Variants in ART3 observed in about 807,000 individuals in gnomAD.
The protein encoded by ART3 is ADP-ribosyltransferase 3 (inactive).
In ART3, 49 loss-of-function variants were observed where a neutral mutation model predicts 48.5. That is an observed-to-expected ratio of 1.01 (90% CI 0.80 to 1.28). ART3 has a LOEUF of 1.28. Among genes scored for constraint, ART3 ranks in the 50% most tolerant of loss-of-function variants. The pLI is 0.00. For missense variants in ART3, 438 were observed against 454.3 expected (o/e 0.96, Z 0.33); for synonymous variants, 145 against 157.2 (o/e 0.92, Z 0.58).
At position 76,039,256 on chromosome 4, in the gene ART3, C is replaced by T. The variant is rs961270801; in HGVS notation, c.-10+27936C>T. Among the ~76,000 whole-genome samples, 6 of 152,190 alleles carry T rather than the reference C, an allele frequency of 3.9e-5. 1 individual carries two copies. The South Asian group carries it at 1.0e-3, about 26-fold the overall frequency. On this transcript the variant is annotated intron_variant, in intron 1 of 9. Coordinates refer to the ART3 transcript ENST00000341029. ...CTGGGATTACAGGCATGTGTTACCA[C>T]GCCCAGCCAATTTTTGTATTTTTAG...
chr4:76,031,914 T>G (rs1241250502), intron 1 of ART3, among the ~76,000 whole-genome samples: 1 of 152,124 alleles, frequency 6.6e-6, no homozygotes, highest in Non-Finnish European at 1.5e-5. Flanking sequence ...ATAGGACACC[T>G]AATCTAGTTA....
chr4:76,079,644 A>C (rs1725071245), intron 2 of ART3, among the ~76,000 whole-genome samples: 1 of 152,160 alleles, frequency 6.6e-6, no homozygotes, highest in East Asian at 1.9e-4. Flanking sequence ...TCTGCAAAAG[A>C]GTCTAAGAAG....
intron 1 of ART3, among the ~76,000 whole-genome samples, chr4:76,050,884 G>A (rs949417198): frequency 3.3e-5 from 5 of 152,204 alleles, no homozygotes; most frequent in African/African-American, 7.2e-5. Context: ...TACACCCTCC[G>A]CAGCTGCTAG....
At chr4:76,097,501 C>T (rs1194317038) in intron 3 of ART3, 143 bp from the exon 4 acceptor site, 2 of 664,622 alleles carry the variant, frequency 3.0e-6, no homozygotes, top group Admixed American at 2.5e-5. Context: ...GCCACCATGC[C>T]CAGCCTGCAA....
chr4:76,100,356 G>A, intron 6 of ART3, 36 bp downstream of exon 6: 1 of 1,582,576 alleles, frequency 6.3e-7, no homozygotes, highest in East Asian at 2.3e-5. Flanking sequence ...GGCTTGGCCA[G>A]GCGTGGTGGC....
rs1164064092 is a variant in ART3, at chr4:76,081,880, A to T, written c.126A>T (p.Lys42Asn). 5.6e-6 allele frequency: 9 copies of T among 1,614,096 alleles called. No homozygotes were observed. Among genetic ancestry groups the T allele is most frequent in the Non-Finnish European group, 7.6e-6 (9 of 1,180,040 alleles). The change falls in exon 3 of 12, where the codon AAA becomes AAT. Residue 42 changes from lysine (K) to asparagine (N), a missense_variant. Coordinates refer to ENST00000355810, the MANE Select transcript of ART3 (RefSeq NM_001130016.3). Reference sequence around the variant, plus strand: ...ATGCATTTGATGATGAATACCTGAAATGTACGGACAGGATGGAAATTAAAT... The same window carrying T: ...ATGCATTTGATGATGAATACCTGAATTGTACGGACAGGATGGAAATTAAAT... ...ADNAFDDEYLKCTDRMEIKYV... is the reference protein window; with the variant it reads ...ADNAFDDEYLNCTDRMEIKYV...
intron 9 of ART3, chr4:76,104,387 A>C: frequency 1.0e-6 from 1 of 985,438 alleles, no homozygotes; most frequent in Non-Finnish European, 1.2e-6. Context: ...AAACATGCTC[A>C]GTGAAGTGCT....
At chr4:76,093,453 A>G (rs940967014) in intron 3 of ART3, among the ~76,000 whole-genome samples, 8 of 152,236 alleles carry the variant, frequency 5.3e-5, no homozygotes, top group African/African-American at 1.9e-4. Context: ...AGAAAGAAAC[A>G]GCATGTTGAG....
At chr4:76,041,788 A>G (rs1433810307) in intron 1 of ART3, among the ~76,000 whole-genome samples, 7 of 152,206 alleles carry the variant, frequency 4.6e-5, no homozygotes. Context: ...TTTGGCATGT[A>G]TTATATACTG....
chr4:76,085,514 A>G (rs1394287279), intron 3 of ART3, among the ~76,000 whole-genome samples: 1 of 152,162 alleles, frequency 6.6e-6, no homozygotes, highest in African/African-American at 2.4e-5. Context: ...TAGGCACCTT[A>G]TTTGCCTCAC....
chr4:76,041,189 C>T (rs1185893176), intron 1 of ART3: 1 of 152,172 alleles, frequency 6.6e-6, no homozygotes, highest in Non-Finnish European at 1.5e-5. Context: ...TTTCTGCTGG[C>T]TTTGTAGATG....
At chr4:76,068,293 G>T (rs1719942471) in intron 1 of ART3, among the ~76,000 whole-genome samples, 2 of 152,064 alleles carry the variant, frequency 1.3e-5, no homozygotes, top group Non-Finnish European at 2.9e-5. Flanking sequence ...CCCAAAAAAT[G>T]TGTTCCCTCA....
At chr4:76,062,559 C>T (rs375597206) in intron 1 of ART3, among the ~76,000 whole-genome samples, 30 of 113,024 alleles carry the variant, frequency 2.7e-4, no homozygotes, top group Middle Eastern at 5.7e-3. Flanking sequence ...AAAAATAAAT[C>T]TTTTTTTTTT....
intron 1 of ART3, chr4:76,035,413 G>A (rs1734291445): frequency 6.7e-7 from 1 of 1,497,840 alleles, no homozygotes; most frequent in Non-Finnish European, 9.1e-7. Flanking sequence ...ATAGCTGGTG[G>A]TGAACGTGAG....
intron 1 of ART3, among the ~76,000 whole-genome samples, chr4:76,015,829 A>AT (rs987126816): frequency 7.2e-5 from 11 of 152,218 alleles, no homozygotes; most frequent in African/African-American, 2.2e-4. Flanking sequence ...GGTTTTTGCC[A>AT]TGTTGGTCAG....
chr4:76,060,465 T>A (rs1719102722), intron 1 of ART3, among the ~76,000 whole-genome samples: 1 of 152,184 alleles, frequency 6.6e-6, no homozygotes, highest in Admixed American at 6.5e-5. Flanking sequence ...AATGCTAGTG[T>A]TCTCTAGGGT....
At chr4:76,084,976 G>A (rs925092643) in intron 3 of ART3, among the ~76,000 whole-genome samples, 2 of 152,164 alleles carry the variant, frequency 1.3e-5, no homozygotes, top group East Asian at 3.8e-4. Flanking sequence ...AGGCTACTAA[G>A]CTAGAGAGGC....
chr4:76,086,055 A>G (rs911385055), intron 3 of ART3, among the ~76,000 whole-genome samples: 5 of 147,710 alleles, frequency 3.4e-5, no homozygotes, highest in Admixed American at 2.7e-4. Context: ...CTGGTCAACA[A>G]GAGTCCCCCC....
chr4:76,085,869 C>T (rs564935676), intron 3 of ART3, among the ~76,000 whole-genome samples: 7 of 152,182 alleles, frequency 4.6e-5, no homozygotes, highest in East Asian at 3.9e-4. Flanking sequence ...GTCAGGAGTT[C>T]GAGACCAGAT....
Sources: allele counts gnomAD v4.1 joint callset (sites outside exome capture counted in the v4.1 genomes callset), GRCh38; gene constraint gnomAD v4.1.1; transcripts MANE v1.5; gene names NCBI Gene and HGNC (gene_info 2026-07-23, HGNC 2026-07-21).